MLLT3: variants seen among roughly 807,000 people sequenced by gnomAD.
MLLT3 encodes protein AF-9.
A neutral mutation model predicts 53.2 loss-of-function variants in MLLT3; 4 were observed. The observed-to-expected ratio is 0.08, with a 90% CI of 0.04 to 0.17. The LOEUF is 0.17. Among genes scored for constraint, MLLT3 ranks in the 10% least tolerant of loss-of-function variants. The probability of loss-of-function intolerance (pLI) is 1.00; values close to 1 mark genes in which losing one functional copy is unlikely to be tolerated. For synonymous variants in MLLT3, 283 were observed against 230.6 expected (o/e 1.23, Z -2.06); for missense variants, 569 against 684.0 (o/e 0.83, Z 1.87).
At chr9:20,450,795 G>A (rs777749671) in intron 3 of MLLT3, among the ~76,000 whole-genome samples, 3 of 151,960 alleles carry the variant, frequency 2.0e-5, no homozygotes, top group Non-Finnish European at 4.4e-5. Context: ...TTATTTATCT[G>A]TCTATCCTCT....
At chr9:20,353,663 T>C (rs959888376) in intron 9 of MLLT3, 67 bp from the exon 10 acceptor site, 3 of 1,324,906 alleles carry the variant, frequency 2.3e-6, no homozygotes, top group African/African-American at 1.4e-5. Context: ...TAAATGAATA[T>C]GTAAGTAAGA....
Position 20,413,754 on chromosome 9 carries a change from T to C in MLLT3, c.1092A>G (p.Ser364=). 2 of 1,611,416 alleles carry C rather than the reference T, an allele frequency of 1.2e-6. No individual in the cohort carries two copies. Among genetic ancestry groups the C allele is most frequent in the Non-Finnish European group, 1.7e-6 (2 of 1,178,998 alleles). The change falls in exon 5 of 11, where the codon TCA becomes TCG. Residue 364 remains serine (S), a synonymous_variant. Coordinates refer to ENST00000380338, the MANE Select transcript of MLLT3 (RefSeq NM_004529.4). ...TAGAGGATATATTCTCCTCCACATCTGAATCATTGGGATCCACAATATCAT... is the reference window on the plus strand; with the variant it reads ...TAGAGGATATATTCTCCTCCACATCCGAATCATTGGGATCCACAATATCAT... ...PFDDIVDPND[S]DVEENISSKS... is the part of the protein sequence containing the mutation.
At chr9:20,454,863 GAACA>G (rs1237067099) in intron 3 of MLLT3, among the ~76,000 whole-genome samples, 2 of 151,990 alleles carry the variant, frequency 1.3e-5, no homozygotes, top group East Asian at 3.9e-4. Context: ...AATGAGATAT[GAACA>G]GTCACTTCTC....
chr9:20,611,960 G>A (rs1406199434), intron 2 of MLLT3, among the ~76,000 whole-genome samples: 1 of 152,046 alleles, frequency 6.6e-6, no homozygotes, highest in Non-Finnish European at 1.5e-5. Context: ...TAATCTCAAA[G>A]GAAAACTTTA....
At chr9:20,588,734 G>A (rs1820045759) in intron 2 of MLLT3, among the ~76,000 whole-genome samples, 1 of 152,204 alleles carries the variant, frequency 6.6e-6, no homozygotes, top group Non-Finnish European at 1.5e-5. Flanking sequence ...AGCTTAAGGA[G>A]ATTTTGGGCT....
At chr9:20,358,641 T>C (rs1038509189) in intron 8 of MLLT3, among the ~76,000 whole-genome samples, 1 of 152,158 alleles carries the variant, frequency 6.6e-6, no homozygotes, top group Non-Finnish European at 1.5e-5. Flanking sequence ...GCCATAAGGT[T>C]TGAAGGGCAT....
At chr9:20,492,728 G>T (rs1242831459) in intron 2 of MLLT3, among the ~76,000 whole-genome samples, 8 of 151,862 alleles carry the variant, frequency 5.3e-5, no homozygotes, top group Admixed American at 5.3e-4. Flanking sequence ...CTAAGCAAAA[G>T]AATTCGCCTG....
chr9:20,516,515 T>C (rs140993266), intron 2 of MLLT3, among the ~76,000 whole-genome samples: 16 of 152,378 alleles, frequency 1.1e-4, no homozygotes, highest in African/African-American at 3.6e-4. Flanking sequence ...ATTGATGCTA[T>C]TGTATTAAAT....
intron 2 of MLLT3, among the ~76,000 whole-genome samples, chr9:20,619,460 C>T (rs1820931704): frequency 6.6e-6 from 1 of 152,332 alleles, no homozygotes; most frequent in Non-Finnish European, 1.5e-5. Context: ...CTTTATTCAG[C>T]CCCCTGAATG....
intron 2 of MLLT3, among the ~76,000 whole-genome samples, chr9:20,588,570 T>C (rs1820041270): frequency 6.6e-6 from 1 of 152,142 alleles, no homozygotes; most frequent in Non-Finnish European, 1.5e-5. Context: ...CCCTTGTAAG[T>C]TGGATTCCTA....
intron 2 of MLLT3, among the ~76,000 whole-genome samples, chr9:20,461,691 T>C (rs1215463014): frequency 1.3e-5 from 2 of 152,140 alleles, no homozygotes; most frequent in Non-Finnish European, 2.9e-5. Flanking sequence ...GAAGTATTAT[T>C]AGGCAACAGT....
At chr9:20,509,750 G>C (rs1006766598) in intron 2 of MLLT3, among the ~76,000 whole-genome samples, 2 of 152,112 alleles carry the variant, frequency 1.3e-5, no homozygotes, top group Non-Finnish European at 2.9e-5. Flanking sequence ...ACATAGCCTT[G>C]AAAACAGATA....
At chr9:20,604,876 T>G (rs1389229574) in intron 2 of MLLT3, among the ~76,000 whole-genome samples, 1 of 152,152 alleles carries the variant, frequency 6.6e-6, no homozygotes, top group Non-Finnish European at 1.5e-5. Context: ...AAACTTTTAT[T>G]CACATATATG....
rs986473073 is a variant in MLLT3, at chr9:20,621,612, C to G, written c.12+633G>C. 2.0e-5 allele frequency among the ~76,000 whole-genome samples: 3 copies of G among 152,156 alleles called. No individual in the cohort carries two copies. The highest frequency in any genetic ancestry group is 7.2e-5 in the African/African-American group (3 of 41,438). ...TGGCTCCAAAGTATCTCCCACCTCC[C>G]CCCAAAAAATGAAATTCAGAAAGGC... On this transcript the variant is annotated intron_variant, in intron 1 of 10. Coordinates refer to ENST00000380338, the MANE Select transcript of MLLT3 (RefSeq NM_004529.4). The surrounding 1 kb of genome is among the most constrained non-coding windows in gnomAD (Gnocchi z 7.0).
rs535634806 is a variant in MLLT3, at chr9:20,421,420, G to C, written c.421-6995C>G. On this transcript the variant is annotated intron_variant, in intron 4 of 10. Coordinates refer to ENST00000380338, the MANE Select transcript of MLLT3 (RefSeq NM_004529.4). Reference sequence around the variant, plus strand: ...CGTTTGTTTTTTAAACAAAAAAGAAGAGGTACAAGGAGAAGAGAGAAACCA... The same window carrying C: ...CGTTTGTTTTTTAAACAAAAAAGAACAGGTACAAGGAGAAGAGAGAAACCA... Among the ~76,000 whole-genome samples the C allele has an allele frequency of 1.6e-4, 25 of 152,168 alleles. 1 individual carries two copies. In the South Asian group the frequency reaches 5.2e-3, roughly 32 times the overall value.
intron 2 of MLLT3, among the ~76,000 whole-genome samples, chr9:20,525,176 C>G (rs1818169500): frequency 1.4e-5 from 2 of 147,876 alleles, no homozygotes. Flanking sequence ...GCTAGCTCCT[C>G]AACATTTATA....
At position 20,542,714 on chromosome 9, in the gene MLLT3, T is replaced by G. The variant is rs575187842; in HGVS notation, c.193+77940A>C. On this transcript the variant is annotated intron_variant, in intron 2 of 10. Coordinates refer to ENST00000380338, the MANE Select transcript of MLLT3 (RefSeq NM_004529.4). ...ATAATTCTTAAGGAACCTAGGATTT[T>G]CAGAATGGTAAATGAGCAGTGGCCC... is the stretch of plus-strand genomic sequence containing the variant. 2.0e-5 allele frequency among the ~76,000 whole-genome samples: 3 copies of G among 152,328 alleles called. No homozygotes were observed. In the East Asian group the frequency reaches 5.8e-4, roughly 29 times the overall value.
intron 2 of MLLT3, among the ~76,000 whole-genome samples, chr9:20,501,902 G>A (rs1266914228): frequency 4.0e-5 from 6 of 151,096 alleles, no homozygotes; most frequent in Non-Finnish European, 8.8e-5. Context: ...CCAATATGGT[G>A]AAACCTCGTC....
chr9:20,363,449 CA>C (rs1384651482), intron 7 of MLLT3, 26 bp downstream of exon 7: 1 of 1,612,368 alleles, frequency 6.2e-7, no homozygotes, highest in Non-Finnish European at 8.5e-7. Context: ...TCATCACAGG[CA>C]ACCCCTTTCC....
Sources: allele counts gnomAD v4.1 joint callset (sites outside exome capture counted in the v4.1 genomes callset), GRCh38; gene constraint gnomAD v4.1.1; non-coding constraint Gnocchi (gnomAD v3.1); transcripts MANE v1.5; gene names NCBI Gene and HGNC (gene_info 2026-07-23, HGNC 2026-07-21).